PDE1C: variants seen among roughly 807,000 people sequenced by gnomAD.
The protein encoded by PDE1C is phosphodiesterase 1C, also known as dual specificity calcium/calmodulin-dependent 3',5'-cyclic nucleotide phosphodiesterase 1C.
Under a neutral mutation model 93.1 loss-of-function variants are expected in PDE1C, and 62 were observed. The ratio of observed to expected loss-of-function variants is 0.67; its 90% CI spans 0.54 to 0.82. The LOEUF (loss-of-function observed/expected upper bound fraction) is 0.82. PDE1C is among the 40% of genes least tolerant of loss of function. PDE1C has a pLI of 0.00. For missense variants in PDE1C, 742 were observed against 884.6 expected (o/e 0.84, Z 2.04); for synonymous variants, 325 against 310.1 (o/e 1.05, Z -0.50).
intron 4 of PDE1C, among the ~76,000 whole-genome samples, chr7:31,878,273 A>G (rs1478664241): frequency 6.6e-6 from 1 of 152,196 alleles, no homozygotes; most frequent in African/African-American, 2.4e-5. Context: ...CTAACTCTAT[A>G]GGCCCCAGAC....
chr7:31,909,225 G>T (rs1356311887), intron 2 of PDE1C, among the ~76,000 whole-genome samples: 2 of 152,006 alleles, frequency 1.3e-5, no homozygotes, highest in Non-Finnish European at 2.9e-5. Flanking sequence ...AAACACACAG[G>T]GTCTGGAAGC....
intron 2 of PDE1C, among the ~76,000 whole-genome samples, chr7:32,179,824 A>ACTC (rs759065602): frequency 2.2e-4 from 33 of 152,188 alleles, no homozygotes; most frequent in Non-Finnish European, 4.3e-4. Flanking sequence ...GTATAAGAAT[A>ACTC]CTCAAAGATT....
the PDE1C span, among the ~76,000 whole-genome samples, chr7:31,743,139 C>T: frequency 2.0e-5 from 3 of 152,212 alleles, no homozygotes; most frequent in Non-Finnish European, 4.4e-5. Flanking sequence ...CTCCATTTGG[C>T]AGCCACAGCA....
intron 2 of PDE1C, among the ~76,000 whole-genome samples, chr7:32,200,459 AC>A (rs1216243703): frequency 6.6e-6 from 1 of 152,114 alleles, no homozygotes; most frequent in Non-Finnish European, 1.5e-5. Flanking sequence ...TTACCTTATT[AC>A]CCCTCTATGC....
At chr7:31,758,456 G>A (rs972338632) in intron 17 of PDE1C, among the ~76,000 whole-genome samples, 2 of 152,090 alleles carry the variant, frequency 1.3e-5, no homozygotes, top group African/African-American at 4.8e-5. Context: ...ATATAACAGT[G>A]AACAGAACAG....
intron 2 of PDE1C, among the ~76,000 whole-genome samples, chr7:32,179,176 C>T (rs1179953407): frequency 7.1e-6 from 1 of 141,132 alleles, no homozygotes; most frequent in East Asian, 2.1e-4. Flanking sequence ...TCACGCAGAA[C>T]ATCCTGCATT....
At chr7:32,164,779 G>C (rs916954055) in intron 3 of PDE1C, among the ~76,000 whole-genome samples, 35 of 152,260 alleles carry the variant, frequency 2.3e-4, no homozygotes, top group African/African-American at 8.2e-4. Context: ...CAGAGGCTGG[G>C]GAGACAAACC....
intron 2 of PDE1C, among the ~76,000 whole-genome samples, chr7:31,987,137 T>G (rs1296013903): frequency 3.9e-5 from 6 of 152,330 alleles, no homozygotes; most frequent in African/African-American, 1.4e-4. Flanking sequence ...CTACTAGATA[T>G]TTCCTTTATT....
At chr7:32,154,935 A>C (rs1801476155) in intron 3 of PDE1C, among the ~76,000 whole-genome samples, 1 of 152,258 alleles carries the variant, frequency 6.6e-6, no homozygotes, top group Admixed American at 6.5e-5. Context: ...TAGACTGAGC[A>C]ATCTATGGCA....
the PDE1C span, among the ~76,000 whole-genome samples, chr7:31,636,652 C>T: frequency 2.3e-4 from 35 of 151,976 alleles, no homozygotes; most frequent in African/African-American, 8.2e-4. Context: ...TCTCCTATCC[C>T]ATACTTTGTC....
At chr7:32,244,904 C>T (rs993508988) in intron 1 of PDE1C, among the ~76,000 whole-genome samples, 1 of 152,204 alleles carries the variant, frequency 6.6e-6, no homozygotes. Context: ...GGTGAGCACA[C>T]TGCCTATCAG....
intron 2 of PDE1C, among the ~76,000 whole-genome samples, chr7:32,047,687 G>A (rs1792790826): frequency 6.6e-6 from 1 of 151,606 alleles, no homozygotes; most frequent in South Asian, 2.1e-4. Flanking sequence ...GTAGTAGGAT[G>A]ACAATTACTT....
At chr7:31,911,785 C>T (rs1801278834) in intron 2 of PDE1C, among the ~76,000 whole-genome samples, 1 of 152,104 alleles carries the variant, frequency 6.6e-6, no homozygotes, top group Non-Finnish European at 1.5e-5. Flanking sequence ...AATAAATTTC[C>T]CCCAAGTCAG....
At chr7:31,900,307 C>G (rs547295554) in intron 2 of PDE1C, among the ~76,000 whole-genome samples, 107 of 151,990 alleles carry the variant, frequency 7.0e-4, no homozygotes, top group Non-Finnish European at 1.3e-3. Flanking sequence ...ATTATTTTAT[C>G]AAATGCTTAT....
chr7:31,681,535 G>A, the PDE1C span, among the ~76,000 whole-genome samples: 2 of 152,114 alleles, frequency 1.3e-5, no homozygotes, highest in African/African-American at 4.8e-5. Context: ...GTCTTGCTCT[G>A]GGCTGTCAGA....
rs1799295703 is a variant in PDE1C at position 31,896,054 on chromosome 7, A to AAACTG, written c.129-15195_129-15194insCAGTT. On this transcript the variant is annotated intron_variant, in intron 2 of 17. Coordinates refer to ENST00000396191, the MANE Select transcript of PDE1C (RefSeq NM_001191057.4). Reference sequence around the variant, plus strand: ...AAACACACACACAAACTGCCCCATCACCCAGCAGGGTGAGCTCATGAAGGT... The same window carrying AAACTG: ...AAACACACACACAAACTGCCCCATCAAACTGCCCAGCAGGGTGAGCTCATGAAGGT... 1.6e-4 allele frequency among the ~76,000 whole-genome samples: 23 copies of AAACTG among 145,134 alleles called. No homozygotes were observed. The Admixed American group carries it at 1.6e-3, about 10-fold the overall frequency.
chr7:32,232,057 C>T (rs1399050524), intron 1 of PDE1C, among the ~76,000 whole-genome samples: 2 of 152,074 alleles, frequency 1.3e-5, no homozygotes, highest in Non-Finnish European at 2.9e-5. Flanking sequence ...CTATCTCTCC[C>T]ACTGAATGCA....
chr7:32,291,869 T>G (rs916326908), intron 1 of PDE1C, among the ~76,000 whole-genome samples: 1 of 152,188 alleles, frequency 6.6e-6, no homozygotes. Flanking sequence ...TGTTTACAGA[T>G]GGAGAAATTG....
At chr7:31,671,352 G>A in the PDE1C span, among the ~76,000 whole-genome samples, 2 of 152,188 alleles carry the variant, frequency 1.3e-5, no homozygotes, top group Non-Finnish European at 2.9e-5. Context: ...GCTCATCTAT[G>A]TGCTCCCTCC....
Sources: gnomAD v4.1 joint callset for allele counts (sites outside exome capture counted in the v4.1 genomes callset) on GRCh38, gnomAD v4.1.1 for gene constraint, MANE v1.5 for transcripts, NCBI Gene and HGNC (gene_info 2026-07-23, HGNC 2026-07-21) for gene names.